The following ZFHX3 variants were observed in gnomAD, a reference collection of about 807,000 sequenced individuals.
ZFHX3 encodes the protein zinc finger homeobox protein 3.
In ZFHX3, 42 loss-of-function variants were observed where a neutral mutation model predicts 279.1. That is an observed-to-expected ratio of 0.15 (90% confidence interval 0.12 to 0.19). The LOEUF is 0.19. Ranked by LOEUF, ZFHX3 falls within the 10% of genes least tolerant of loss-of-function variation. ZFHX3 has a pLI of 1.00. For missense variants in ZFHX3, 4,981 were observed against 4,754.0 expected (o/e 1.05, Z -1.40); for synonymous variants, 2,293 against 1,957.8 (o/e 1.17, Z -4.52).
At chr16:73,388,085 A>G (rs900124173) in intron 3 of ZFHX3, among the ~76,000 whole-genome samples, 2 of 152,108 alleles carry the variant, frequency 1.3e-5, no homozygotes, top group African/African-American at 4.8e-5. Context: ...GATTGGAAAA[A>G]ATCAGTGCCA....
intron 3 of ZFHX3, among the ~76,000 whole-genome samples, chr16:73,407,648 C>T (rs955466212): frequency 6.6e-6 from 1 of 152,202 alleles, no homozygotes; most frequent in African/African-American, 2.4e-5. Flanking sequence ...GGAGATCACA[C>T]TGAACACACA....
chr16:73,444,093 C>T (rs1862684), intron 3 of ZFHX3, among the ~76,000 whole-genome samples: 103,772 of 152,076 alleles, frequency 0.68, 37,684 homozygotes, highest in Non-Finnish European at 0.82. Flanking sequence ...AAATATTACA[C>T]ATTCTCCCAC....
chr16:73,452,863 C>T, intron 3 of ZFHX3, among the ~76,000 whole-genome samples: 1 of 152,220 alleles, frequency 6.6e-6, no homozygotes, highest in East Asian at 1.9e-4. Flanking sequence ...TCTATTAACG[C>T]ACCAGACATT....
chr16:73,768,549 G>T (rs1170850194), intron 1 of ZFHX3, among the ~76,000 whole-genome samples: 2 of 152,152 alleles, frequency 1.3e-5, no homozygotes, highest in Non-Finnish European at 2.9e-5. Context: ...GGTGTTGAGT[G>T]TCACCTTAAT....
chr16:72,850,195 C>G (rs545385879), intron 4 of ZFHX3, among the ~76,000 whole-genome samples: 2 of 152,284 alleles, frequency 1.3e-5, no homozygotes, highest in African/African-American at 4.8e-5. Flanking sequence ...CTTCCTGACC[C>G]CAGCCTCCCC....
chr16:72,881,002 C>T (rs2038451804), intron 4 of ZFHX3, among the ~76,000 whole-genome samples: 1 of 151,920 alleles, frequency 6.6e-6, no homozygotes, highest in South Asian at 2.1e-4. Context: ...AAAGATGTAC[C>T]CTATCCAGGC....
At chr16:73,548,232 G>A (rs2020151874) in intron 2 of ZFHX3, among the ~76,000 whole-genome samples, 1 of 152,206 alleles carries the variant, frequency 6.6e-6, no homozygotes, top group Admixed American at 6.5e-5. Context: ...TTGGCAAAAA[G>A]CACTCAAATT....
At chr16:73,291,469 A>C (rs1273957673) in intron 4 of ZFHX3, among the ~76,000 whole-genome samples, 1 of 152,240 alleles carries the variant, frequency 6.6e-6, no homozygotes, top group Non-Finnish European at 1.5e-5. Flanking sequence ...CGTGTGAAGG[A>C]TCATGTAAAT....
intron 1 of ZFHX3, among the ~76,000 whole-genome samples, chr16:73,877,198 A>AGTT (rs2029977684): frequency 0.015 from 593 of 38,728 alleles, 8 homozygotes; most frequent in African/African-American, 0.076. Context: ...TCGGGGGGTT[A>AGTT]GGTCGGGGGG....
intron 1 of ZFHX3, among the ~76,000 whole-genome samples, chr16:72,991,796 G>A (rs966582688): frequency 1.3e-5 from 2 of 151,998 alleles, no homozygotes; most frequent in African/African-American, 2.4e-5. Flanking sequence ...TTTCACCCAC[G>A]CAACACTGGC....
chr16:73,413,476 G>A (rs1387601527), intron 3 of ZFHX3, among the ~76,000 whole-genome samples: 2 of 152,200 alleles, frequency 1.3e-5, no homozygotes, highest in Non-Finnish European at 2.9e-5. Flanking sequence ...CCTGCGTGTG[G>A]ACAGATTGGA....
chr16:73,536,751 T>C (rs1409724314), intron 2 of ZFHX3, among the ~76,000 whole-genome samples: 1 of 152,142 alleles, frequency 6.6e-6, no homozygotes, highest in Non-Finnish European at 1.5e-5. Flanking sequence ...GTCTCACTCC[T>C]GCGTAGCCCA....
chr16:72,984,600 T>C (rs1035350939), intron 1 of ZFHX3, among the ~76,000 whole-genome samples: 12 of 146,392 alleles, frequency 8.2e-5, no homozygotes, highest in Non-Finnish European at 1.5e-4. Flanking sequence ...CACTCCTGCC[T>C]GGGCCAAAGA....
At chr16:72,981,986 G>A (rs1190067332) in intron 1 of ZFHX3, among the ~76,000 whole-genome samples, 2 of 149,594 alleles carry the variant, frequency 1.3e-5, no homozygotes, top group African/African-American at 4.9e-5. Flanking sequence ...GGGTTCAAGC[G>A]ATTCTCCTGC....
intron 5 of ZFHX3, among the ~76,000 whole-genome samples, chr16:73,236,999 C>T (rs962482548): frequency 6.6e-6 from 1 of 152,144 alleles, no homozygotes; most frequent in Admixed American, 6.5e-5. Flanking sequence ...TTCCAATTTC[C>T]ACGGTGCTCT....
chr16:73,178,267 A>G (rs900105208), intron 5 of ZFHX3, among the ~76,000 whole-genome samples: 1 of 151,664 alleles, frequency 6.6e-6, no homozygotes, highest in Non-Finnish European at 1.5e-5. Context: ...CCTCCTGAGT[A>G]GCTAGGATTA....
At chr16:73,651,927 A>G (rs2052676152) in intron 2 of ZFHX3, among the ~76,000 whole-genome samples, 1 of 152,012 alleles carries the variant, frequency 6.6e-6, no homozygotes, top group African/African-American at 2.4e-5. Context: ...GTCAAAAGAC[A>G]GTAGAATTAA....
chr16:73,213,621 G>C (rs1217716832), intron 5 of ZFHX3, among the ~76,000 whole-genome samples: 1 of 152,120 alleles, frequency 6.6e-6, no homozygotes, highest in East Asian at 1.9e-4. Flanking sequence ...GGACATTCAG[G>C]GGGTAAGTGC....
chr16:73,869,342 C>G (rs1048153568), intron 1 of ZFHX3, among the ~76,000 whole-genome samples: 2 of 152,090 alleles, frequency 1.3e-5, no homozygotes, highest in Non-Finnish European at 2.9e-5. Context: ...ATTTTAGATG[C>G]CATTTGATGA....
Sources: allele counts gnomAD v4.1 joint callset (sites outside exome capture counted in the v4.1 genomes callset), GRCh38; gene constraint gnomAD v4.1.1; transcripts MANE v1.5; gene names NCBI Gene and HGNC (gene_info 2026-07-23, HGNC 2026-07-21).